CTNNA2: variants seen among roughly 807,000 people sequenced by gnomAD.
CTNNA2 encodes catenin alpha-2.
A neutral mutation model predicts 101.0 loss-of-function variants in CTNNA2; 42 were observed. The ratio of observed to expected loss-of-function variants is 0.42; its 90% CI spans 0.32 to 0.54. The LOEUF (loss-of-function observed/expected upper bound fraction) is 0.54, where lower values mean the gene tolerates loss of function less well. Ranked by LOEUF, CTNNA2 falls within the 20% of genes least tolerant of loss-of-function variation. The pLI is 0.14. For synonymous variants in CTNNA2, 450 were observed against 456.4 expected (o/e 0.99, Z 0.18); for missense variants, 871 against 1,223.1 (o/e 0.71, Z 4.29).
chr2:80,241,846 A>G (rs1573489771), intron 7 of CTNNA2, among the ~76,000 whole-genome samples: 1 of 152,280 alleles, frequency 6.6e-6, no homozygotes, highest in East Asian at 1.9e-4. Flanking sequence ...CTACTTTAGT[A>G]TAATCTATTG....
chr2:79,691,319 T>C (rs1405997170), intron 2 of CTNNA2, among the ~76,000 whole-genome samples: 2 of 151,976 alleles, frequency 1.3e-5, no homozygotes, highest in Admixed American at 6.6e-5. Context: ...GTCAGTGACC[T>C]CCTACATTTC....
chr2:80,307,838 A>C (rs1413029875), intron 7 of CTNNA2, among the ~76,000 whole-genome samples: 5 of 152,206 alleles, frequency 3.3e-5, no homozygotes, highest in Non-Finnish European at 1.5e-5. Context: ...GTGATTGGGC[A>C]CTGAGGCCAG....
At chr2:80,040,563 A>G (rs1695975703) in intron 7 of CTNNA2, among the ~76,000 whole-genome samples, 1 of 152,162 alleles carries the variant, frequency 6.6e-6, no homozygotes, top group African/African-American at 2.4e-5. Flanking sequence ...AGTTATTTAC[A>G]TTGTTGGGCC....
At chr2:80,285,257 T>G (rs1399976091) in intron 7 of CTNNA2, among the ~76,000 whole-genome samples, 1 of 152,188 alleles carries the variant, frequency 6.6e-6, no homozygotes. Flanking sequence ...ACCACACTGG[T>G]ATCTCTCTTA....
chr2:79,826,380 A>T (rs990452351), intron 3 of CTNNA2, among the ~76,000 whole-genome samples: 4 of 152,258 alleles, frequency 2.6e-5, no homozygotes, highest in African/African-American at 9.6e-5. Context: ...AAGACAAGTT[A>T]TGTGGCTGGA....
intron 4 of CTNNA2, among the ~76,000 whole-genome samples, chr2:79,417,783 A>ATG (rs57043151): frequency 0.043 from 6,553 of 152,036 alleles, 295 homozygotes; most frequent in African/African-American, 0.12. Context: ...TGGATGTTGT[A>ATG]TGTGTGTGTG....
intron 14 of CTNNA2, chr2:80,586,185 G>A (rs989055741): frequency 2.6e-5 from 4 of 152,202 alleles, no homozygotes; most frequent in Non-Finnish European, 5.9e-5. Flanking sequence ...ATATAAAGAA[G>A]TTAGCAGTAG....
In CTNNA2 at chr2:79,993,480, A is replaced by T. The variant is rs151090615; in HGVS notation, c.1056+83683A>T. On this transcript the variant is annotated intron_variant, in intron 7 of 18. Transcript: ENST00000402739. ...CAATTTGTTGCCCTCGGGCATCTTA[A>T]GATCTCATCAAAGATGCAGTATACA... Among the ~76,000 whole-genome samples, 220 of 152,360 alleles carry T rather than the reference A, an allele frequency of 1.4e-3. 2 individuals carry two copies. The East Asian group carries it at 0.036, about 25-fold the overall frequency.
At chr2:79,554,513 G>A (rs1404254724) in intron 1 of CTNNA2, among the ~76,000 whole-genome samples, 4 of 152,108 alleles carry the variant, frequency 2.6e-5, no homozygotes, top group African/African-American at 9.7e-5. Context: ...TTATCTTCCA[G>A]TGGGACTGAC....
At chr2:79,266,742 C>A (rs1482207473) in intron 2 of CTNNA2, among the ~76,000 whole-genome samples, 2 of 151,976 alleles carry the variant, frequency 1.3e-5, no homozygotes. Flanking sequence ...CATTGACTTA[C>A]CTAGTATCAC....
At position 79,317,223 on chromosome 2, in the gene CTNNA2, C is replaced by T. The variant is rs150712978; in HGVS notation, c.-318+4427C>T. 5.5e-4 allele frequency among the ~76,000 whole-genome samples: 84 copies of T among 152,074 alleles called. No homozygotes were observed. In the East Asian group the frequency reaches 0.014, roughly 24 times the overall value. On this transcript the variant is annotated intron_variant, in intron 3 of 21. Transcript: ENST00000466387. ...GGTGCATTCCATAAAATGATTTTCA[C>T]AGGTTAAACAAATCTCGCATTATTG...
chr2:79,729,124 A>G (rs1468294542), intron 2 of CTNNA2, among the ~76,000 whole-genome samples: 1 of 152,186 alleles, frequency 6.6e-6, no homozygotes, highest in African/African-American at 2.4e-5. Flanking sequence ...TATAGCTGAC[A>G]AAAATGAAGC....
chr2:80,434,619 G>A (rs1430625998), intron 9 of CTNNA2, among the ~76,000 whole-genome samples: 3 of 151,600 alleles, frequency 2.0e-5, no homozygotes, highest in Non-Finnish European at 4.4e-5. Context: ...GGGTAGCTGG[G>A]ACTGCATGGC....
intron 2 of CTNNA2, among the ~76,000 whole-genome samples, chr2:79,666,907 G>C (rs905957811): frequency 3.9e-5 from 6 of 152,138 alleles, no homozygotes; most frequent in Non-Finnish European, 7.3e-5. Flanking sequence ...CTCAAGCATG[G>C]TGTCCTCTTA....
At chr2:80,036,171 C>T (rs79794680) in intron 7 of CTNNA2, among the ~76,000 whole-genome samples, 3,563 of 151,988 alleles carry the variant, frequency 0.023, 146 homozygotes, top group African/African-American at 0.08. Flanking sequence ...ATGTCAGGGA[C>T]GACAGAGAAG....
At position 80,216,321 on chromosome 2, in the gene CTNNA2, A is replaced by G. The variant is rs185620726; in HGVS notation, c.1057-176890A>G. 1.4e-3 allele frequency among the ~76,000 whole-genome samples: 215 copies of G among 152,260 alleles called. 1 individual carries two copies. The highest frequency in any genetic ancestry group is 5.0e-3 in the African/African-American group (207 of 41,542). ...TACCTCAATTGGAAATGCAGAAATGACCCATCTTCTGCATCACTCATGCTT... is the reference window on the plus strand; with the variant it reads ...TACCTCAATTGGAAATGCAGAAATGGCCCATCTTCTGCATCACTCATGCTT... On this transcript the variant is annotated intron_variant, in intron 7 of 18. Coordinates refer to ENST00000402739, the MANE Select transcript of CTNNA2 (RefSeq NM_001282597.3).
chr2:80,052,542 A>G (rs1696941651), intron 7 of CTNNA2, among the ~76,000 whole-genome samples: 1 of 152,232 alleles, frequency 6.6e-6, no homozygotes, highest in African/African-American at 2.4e-5. Flanking sequence ...GCAGATTGCA[A>G]TGCATGCATT....
At chr2:79,228,523 A>G (rs773536037) in intron 2 of CTNNA2, among the ~76,000 whole-genome samples, 21 of 152,064 alleles carry the variant, frequency 1.4e-4, no homozygotes, top group Non-Finnish European at 2.2e-4. Context: ...GCATTTTTTC[A>G]TATGTTTCTT....
At chr2:79,453,151 T>C (rs369030605) in intron 4 of CTNNA2, among the ~76,000 whole-genome samples, 1 of 152,148 alleles carries the variant, frequency 6.6e-6, no homozygotes, top group Non-Finnish European at 1.5e-5. Context: ...GTTTCAGGAA[T>C]AGCTGCACCC....
Sources: allele counts gnomAD v4.1 joint callset (sites outside exome capture counted in the v4.1 genomes callset), GRCh38; gene constraint gnomAD v4.1.1; transcripts MANE v1.5; gene names NCBI Gene and HGNC (gene_info 2026-07-23, HGNC 2026-07-21).